The following PANX1 variants were observed in gnomAD, a reference collection of about 807,000 sequenced individuals.
PANX1 encodes pannexin 1, also known as pannexin-1.
Under a neutral mutation model 38.7 loss-of-function variants are expected in PANX1, and 30 were observed. That is an observed-to-expected ratio of 0.78 (90% confidence interval 0.58 to 1.05). The LOEUF is 1.05. Among genes scored for constraint, PANX1 ranks in the 50% least tolerant of loss-of-function variants. The pLI, the probability that PANX1 is intolerant of heterozygous loss-of-function variation, is 0.00. For synonymous variants in PANX1, 230 were observed against 212.2 expected (o/e 1.08, Z -0.73); for missense variants, 551 against 517.2 (o/e 1.07, Z -0.63).
intron 1 of PANX1, among the ~76,000 whole-genome samples, chr11:94,147,943 A>G (rs1946846427): frequency 6.6e-6 from 1 of 152,188 alleles, no homozygotes; most frequent in African/African-American, 2.4e-5. Flanking sequence ...TTTAAAAGGA[A>G]ACATTTGATG....
chr11:94,132,218 GAC>G (rs1318999841), intron 1 of PANX1, among the ~76,000 whole-genome samples: 3 of 152,214 alleles, frequency 2.0e-5, no homozygotes, highest in African/African-American at 7.2e-5. Flanking sequence ...TGGGGTGTCA[GAC>G]ACACGTAGGA....
At chr11:94,172,660 C>T (rs1947181828) in intron 2 of PANX1, among the ~76,000 whole-genome samples, 1 of 151,730 alleles carries the variant, frequency 6.6e-6, no homozygotes, top group Non-Finnish European at 1.5e-5. Flanking sequence ...GCTCTCAAAC[C>T]TGTAATATTT....
At chr11:94,149,983 G>A (rs773199384) in intron 1 of PANX1, among the ~76,000 whole-genome samples, 2 of 152,178 alleles carry the variant, frequency 1.3e-5, no homozygotes, top group Non-Finnish European at 2.9e-5. Context: ...ATGTCTATGT[G>A]ACATGGTTCA....
At chr11:94,153,408 G>T in intron 1 of PANX1, 83 bp from the exon 2 acceptor site, 1 of 1,485,130 alleles carries the variant, frequency 6.7e-7, no homozygotes, top group South Asian at 1.2e-5. Context: ...CCCTAACTTA[G>T]ACAAAACTAA....
chr11:94,178,776 G>A (rs550105096), intron 3 of PANX1, among the ~76,000 whole-genome samples, 184 bp downstream of exon 3: 6 of 152,170 alleles, frequency 3.9e-5, no homozygotes, highest in South Asian at 2.1e-4. Context: ...AAATCTCACC[G>A]CGACCCATCC....
chr11:94,133,113 ATCTTTAT>A (rs1215909289), intron 1 of PANX1, among the ~76,000 whole-genome samples: 4 of 152,322 alleles, frequency 2.6e-5, no homozygotes, highest in African/African-American at 9.6e-5. Flanking sequence ...CAGCAGGCTG[ATCTTTAT>A]CAAGCCCTGC....
At chr11:94,145,115 C>G (rs1946812274) in intron 1 of PANX1, among the ~76,000 whole-genome samples, 1 of 152,164 alleles carries the variant, frequency 6.6e-6, no homozygotes, top group African/African-American at 2.4e-5. Context: ...TTTGTGCCAT[C>G]AAGTAACAAC....
At chr11:94,158,798 G>A (rs922265197) in intron 2 of PANX1, among the ~76,000 whole-genome samples, 11 of 152,302 alleles carry the variant, frequency 7.2e-5, no homozygotes, top group African/African-American at 2.4e-4. Context: ...GAATAGGAGT[G>A]GTGAGAGAGG....
intron 2 of PANX1, among the ~76,000 whole-genome samples, chr11:94,177,338 C>T (rs1947245919): frequency 6.6e-6 from 1 of 151,366 alleles, no homozygotes; most frequent in Admixed American, 6.6e-5. Flanking sequence ...AAACAAAAAG[C>T]AATACTCTTA....
chr11:94,178,323 GC>G (rs1947258756), intron 2 of PANX1, 45 bp from the exon 3 acceptor site: 2 of 1,419,474 alleles, frequency 1.4e-6, no homozygotes, highest in Non-Finnish European at 1.0e-6. Flanking sequence ...ATAGGTTACT[GC>G]ATGGGGGGTT....
chr11:94,157,943 G>A (rs904841620), intron 2 of PANX1, among the ~76,000 whole-genome samples: 3 of 152,198 alleles, frequency 2.0e-5, no homozygotes, highest in Admixed American at 6.5e-5. Flanking sequence ...GGGGGATCCA[G>A]CTTCAGCTTT....
chr11:94,178,533 C>T lies in PANX1; in HGVS notation c.486C>T (p.Asp162=). The change falls in exon 3 of 5, where the codon GAC becomes GAT. Residue 162 remains aspartate, a synonymous_variant. Coordinates refer to ENST00000227638, the MANE Select transcript of PANX1 (RefSeq NM_015368.4). The part of the protein sequence containing the change: ...RAIKAAKSAR[D]LDMRDGACSV... The stretch of plus-strand genomic sequence containing the variant: ...TTAAGGCTGCAAAGAGTGCGCGTGA[C>T]CTTGACATGAGAGATGGAGCCTGCT... 6.8e-6 allele frequency: 11 copies of T among 1,614,038 alleles called. No homozygotes were observed. Among genetic ancestry groups the T allele is most frequent in the Non-Finnish European group, 9.3e-6 (11 of 1,179,980 alleles).
intron 1 of PANX1, among the ~76,000 whole-genome samples, chr11:94,148,115 T>TTA (rs906836411): frequency 2.0e-5 from 3 of 152,174 alleles, no homozygotes; most frequent in African/African-American, 7.2e-5. Flanking sequence ...CGGAGGGTAC[T>TTA]TATATTTTCT....
Position 94,139,746 on chromosome 11 carries a change from A to G in PANX1, c.181+10253A>G, listed in dbSNP as rs571800479. Among the ~76,000 whole-genome samples the G allele has an allele frequency of 2.0e-5, 3 of 152,320 alleles. No homozygotes were observed. The South Asian group carries it at 6.2e-4, about 32-fold the overall frequency. ...CAGGGAGAGGGTTCCGAGGGCATCC[A>G]CGTTACATCCACGCTGGGAGGGTTG... On this transcript the variant is annotated intron_variant, in intron 1 of 4. Coordinates refer to ENST00000227638, the MANE Select transcript of PANX1 (RefSeq NM_015368.4).
rs768265041 is a variant in PANX1, at chr11:94,179,923, C to T, written c.867C>T (p.Pro289=). 17 of 1,610,828 alleles carry T rather than the reference C, an allele frequency of 1.1e-5. No homozygotes were observed. Among genetic ancestry groups the T allele is most frequent in the African/African-American group, 6.7e-5 (5 of 74,842 alleles). Residue 289 remains proline, a synonymous_variant, in exon 4 of 5, where the codon CCC becomes CCT. Coordinates refer to ENST00000227638, the MANE Select transcript of PANX1 (RefSeq NM_015368.4). Reference sequence around the variant, plus strand: ...TTGTGGTTTATGTCCTGCTGGCTCCCGTGGTTGTCTACACGCTGTTTGTTC... The same window carrying T: ...TTGTGGTTTATGTCCTGCTGGCTCCTGTGGTTGTCTACACGCTGTTTGTTC... ...INLVVYVLLA[P]VVVYTLFVPF...
At chr11:94,166,545 A>T (rs1358405528) in intron 2 of PANX1, among the ~76,000 whole-genome samples, 4 of 152,202 alleles carry the variant, frequency 2.6e-5, no homozygotes, top group African/African-American at 9.6e-5. Context: ...GAACTCTTTT[A>T]TATGTAATTT....
rs768351342 is a variant in PANX1 at position 94,164,998 on chromosome 11, G to A, written c.321+11368G>A. ...ATCTGATACATGTATAGCTATTCCCGCTCTTTTTTGGTTTCTGTTTGCATG... is the reference window on the plus strand; with the variant it reads ...ATCTGATACATGTATAGCTATTCCCACTCTTTTTTGGTTTCTGTTTGCATG... On this transcript the variant is annotated intron_variant, in intron 2 of 4. Coordinates refer to ENST00000227638, the MANE Select transcript of PANX1 (RefSeq NM_015368.4). Among the ~76,000 whole-genome samples, 13 of 152,020 alleles carry A rather than the reference G, an allele frequency of 8.6e-5. No homozygotes were observed. In the East Asian group the frequency reaches 1.7e-3, roughly 20 times the overall value.
chr11:94,166,492 G>A (rs1480701753), intron 2 of PANX1, among the ~76,000 whole-genome samples: 1 of 152,140 alleles, frequency 6.6e-6, no homozygotes, highest in Non-Finnish European at 1.5e-5. Context: ...CTCCCTCCTG[G>A]ACTGTAAGGT....
At chr11:94,163,090 C>T (rs1373636842) in intron 2 of PANX1, among the ~76,000 whole-genome samples, 1 of 152,074 alleles carries the variant, frequency 6.6e-6, no homozygotes, top group Non-Finnish European at 1.5e-5. Context: ...TTCAAGAGAT[C>T]CACTTATCTT....
Sources: allele counts gnomAD v4.1 joint callset (sites outside exome capture counted in the v4.1 genomes callset), GRCh38; gene constraint gnomAD v4.1.1; transcripts MANE v1.5; gene names NCBI Gene and HGNC (gene_info 2026-07-23, HGNC 2026-07-21).